The following FREM3 variants were observed in gnomAD, a reference collection of about 807,000 sequenced individuals.
The protein encoded by FREM3 is FRAS1 related extracellular matrix 3.
Under a neutral mutation model 129.1 loss-of-function variants are expected in FREM3, and 105 were observed. That is an observed-to-expected ratio of 0.81 (90% CI 0.69 to 0.96). The LOEUF (loss-of-function observed/expected upper bound fraction) is 0.96. Ranked by LOEUF, FREM3 falls within the 40% of genes least tolerant of loss-of-function variation. FREM3 has a pLI of 0.00. For synonymous variants in FREM3, 1,014 were observed against 1,044.9 expected, an observed-to-expected ratio of 0.97 and a Z score of 0.57; for missense variants, 2,593 against 2,666.3, an observed-to-expected ratio of 0.97 and a Z score of 0.61.
intron 2 of FREM3, among the ~76,000 whole-genome samples, chr4:143,633,846 G>T (rs980983909): frequency 3.9e-5 from 6 of 152,116 alleles, no homozygotes; most frequent in Admixed American, 6.6e-5. Context: ...GACATGTCAG[G>T]TATGGGCTCT....
intron 2 of FREM3, among the ~76,000 whole-genome samples, chr4:143,649,064 A>T (rs1739468306): frequency 6.6e-6 from 1 of 152,208 alleles, no homozygotes; most frequent in Non-Finnish European, 1.5e-5. Flanking sequence ...AAAGCTGGCC[A>T]GCTTTTTTCT....
intron 2 of FREM3, among the ~76,000 whole-genome samples, chr4:143,639,617 G>T (rs1229721258): frequency 6.6e-6 from 1 of 152,148 alleles, no homozygotes; most frequent in African/African-American, 2.4e-5. Flanking sequence ...AAAAGTTGTT[G>T]TAACTTGATA....
chr4:143,587,318 T>G (rs1738259732), intron 6 of FREM3, among the ~76,000 whole-genome samples: 1 of 152,236 alleles, frequency 6.6e-6, no homozygotes, highest in African/African-American at 2.4e-5. Context: ...TTCTTCACTC[T>G]GTGCTTCCCT....
intron 2 of FREM3, among the ~76,000 whole-genome samples, chr4:143,655,384 G>T (rs952628388): frequency 7.9e-5 from 12 of 152,146 alleles, no homozygotes; most frequent in African/African-American, 2.9e-4. Context: ...GCATTACCAA[G>T]CTCAACTTGG....
intron 6 of FREM3, among the ~76,000 whole-genome samples, chr4:143,596,380 G>T (rs1738484362): frequency 6.6e-6 from 1 of 152,188 alleles, no homozygotes; most frequent in South Asian, 2.1e-4. Context: ...ATTAGTGATG[G>T]AGTGGAAGAG....
chr4:143,585,899 G>A lies in FREM3; in HGVS notation c.6123C>T (p.Ser2041=), dbSNP rs1738233768. 2 of 1,537,358 alleles carry A rather than the reference G, an allele frequency of 1.3e-6. No individual in the cohort carries two copies. The highest frequency in any genetic ancestry group is 2.4e-5 in the East Asian group (1 of 40,920). ...VCVWRRGTDL[S]QPSSIAVRSR... is the part of the protein sequence containing the mutation. ...AGCGCACGGCGATGGATGATGGTTG[G>A]GAAAGATCAGTGCCTCTTCTCCAAA... Residue 2041 remains serine (S), a synonymous_variant, in exon 7 of 8, where the codon TCC becomes TCT. Coordinates refer to ENST00000329798, the MANE Select transcript of FREM3 (RefSeq NM_001168235.2). This position sits in a 1 kb window ranked among gnomAD's most constrained non-coding sequence, Gnocchi z 4.2.
chr4:143,577,403 A>T lies in FREM3; in HGVS notation c.*208T>A. On this transcript the variant is annotated 3_prime_UTR_variant, in exon 8 of 8. Transcript: ENST00000329798. ...AGAAAAAGAACATGAACACAGTCTA[A>T]TTATTTGTGGGCTCAATGTTTTCTA... 1 of 546,458 alleles carries T rather than the reference A, an allele frequency of 1.8e-6. No individual in the cohort carries two copies. The highest frequency in any genetic ancestry group is 2.9e-5 in the East Asian group (1 of 34,108). 33.9% of individuals were successfully genotyped at this position (546,458 alleles called of 1,614,324 possible). A position where few individuals can be genotyped will look rare whatever the true frequency, so the allele number is the denominator to read the frequency against.
Position 143,698,551 on chromosome 4 carries a change from T to A in FREM3, c.2125A>T (p.Thr709Ser), listed in dbSNP as rs753510070. 4 of 1,537,646 alleles carry A rather than the reference T, an allele frequency of 2.6e-6. No individual in the cohort carries two copies. The East Asian group carries it at 7.3e-5, about 28-fold the overall frequency. ...DILSPQLYPG[T>S]TLEMTVQEYQ... ...TCTTGTACAGTCATTTCTAGTGTAG[T>A]TCCTGGATACAGCTGTGGACTCAGT... Residue 709 changes from threonine (T) to serine (S), a missense_variant, in exon 1 of 8, where the codon ACT (threonine) becomes TCT (serine). By Grantham distance (58) the Thr-to-Ser change is moderately conservative. Transcript: ENST00000329798.
chr4:143,679,893 G>T (rs182954741), intron 2 of FREM3, among the ~76,000 whole-genome samples: 1 of 151,976 alleles, frequency 6.6e-6, no homozygotes, highest in Non-Finnish European at 1.5e-5. Context: ...GAGATAAATC[G>T]CCCTGATTCT....
At chr4:143,686,558 A>G (rs1740368056) in intron 2 of FREM3, among the ~76,000 whole-genome samples, 1 of 152,194 alleles carries the variant, frequency 6.6e-6, no homozygotes, top group Admixed American at 6.5e-5. Context: ...TTTCTCCAAG[A>G]TACATCATAT....
intron 2 of FREM3, among the ~76,000 whole-genome samples, chr4:143,649,853 G>A (rs1739480121): frequency 6.6e-6 from 1 of 152,140 alleles, no homozygotes; most frequent in Non-Finnish European, 1.5e-5. Context: ...CTGAATGAAT[G>A]TTTCAGGACC....
intron 7 of FREM3, among the ~76,000 whole-genome samples, chr4:143,583,966 C>A (rs1251818822): frequency 1.3e-5 from 2 of 152,142 alleles, no homozygotes; most frequent in Non-Finnish European, 2.9e-5. Flanking sequence ...CAAATATTAA[C>A]CTTGAATGAA....
chr4:143,634,078 A>T (rs1330288507), intron 2 of FREM3, among the ~76,000 whole-genome samples: 1 of 152,168 alleles, frequency 6.6e-6, no homozygotes, highest in South Asian at 2.1e-4. Flanking sequence ...ACAGCAGTAT[A>T]GATATAGCAA....
intron 6 of FREM3, among the ~76,000 whole-genome samples, chr4:143,593,744 C>G (rs552270716): frequency 6.6e-6 from 1 of 152,274 alleles, no homozygotes; most frequent in South Asian, 2.1e-4. Flanking sequence ...CTGGGAGAAC[C>G]ACTACTCTCT....
intron 5 of FREM3, among the ~76,000 whole-genome samples, chr4:143,617,627 C>T (rs750357879): frequency 6.6e-6 from 1 of 152,122 alleles, no homozygotes; most frequent in Non-Finnish European, 1.5e-5. Context: ...CTTGAAAGCA[C>T]CAGATATAGC....
chr4:143,641,452 A>G (rs1360417880), intron 2 of FREM3, among the ~76,000 whole-genome samples: 1 of 152,226 alleles, frequency 6.6e-6, no homozygotes, highest in Non-Finnish European at 1.5e-5. Context: ...CCTTAAGTGA[A>G]TGGGGGATGG....
Position 143,585,201 on chromosome 4 carries a change from A to C in FREM3, c.6178+643T>G, listed in dbSNP as rs75961604. Among the ~76,000 whole-genome samples, 1,471 of 152,358 alleles carry C rather than the reference A, an allele frequency of 9.7e-3. 26 individuals carry two copies. The highest frequency in any genetic ancestry group is 0.034 in the African/African-American group (1,420 of 41,574). On this transcript the variant is annotated intron_variant, in intron 7 of 7. Transcript: ENST00000329798. This position sits in a 1 kb window ranked among gnomAD's most constrained non-coding sequence, Gnocchi z 4.2. ...AGAAAGATATAAAATTAACAACCTAACACCACACCAAAAGGTCACAACTGC... is the reference window on the plus strand; with the variant it reads ...AGAAAGATATAAAATTAACAACCTACCACCACACCAAAAGGTCACAACTGC...
intron 2 of FREM3, among the ~76,000 whole-genome samples, chr4:143,666,715 G>C (rs1160574794): frequency 6.6e-6 from 1 of 152,096 alleles, no homozygotes; most frequent in Non-Finnish European, 1.5e-5. Context: ...GAGGTTACCA[G>C]AGGCTGGAGA....
intron 6 of FREM3, among the ~76,000 whole-genome samples, chr4:143,593,207 G>C (rs1000922441): frequency 6.6e-6 from 1 of 152,144 alleles, no homozygotes; most frequent in Non-Finnish European, 1.5e-5. Flanking sequence ...GGAGTAGTTT[G>C]ATCTATTGAA....
Sources: gnomAD v4.1 joint callset for allele counts (sites outside exome capture counted in the v4.1 genomes callset) on GRCh38, gnomAD v4.1.1 for gene constraint, Gnocchi (gnomAD v3.1) non-coding constraint, MANE v1.5 for transcripts, NCBI Gene and HGNC (gene_info 2026-07-23, HGNC 2026-07-21) for gene names.